The following TATDN1 variants were observed in gnomAD, a reference collection of about 807,000 sequenced individuals.
The protein encoded by TATDN1 is deoxyribonuclease TATDN1.
In TATDN1, 40 loss-of-function variants were observed where a neutral mutation model predicts 46.4. The observed-to-expected ratio is 0.86, with a 90% CI of 0.67 to 1.12. The LOEUF is 1.12. Ranked by LOEUF, TATDN1 falls within the 50% of genes most tolerant of loss-of-function variation. The pLI, the probability that TATDN1 is intolerant of heterozygous loss-of-function variation, is 0.00. For missense variants in TATDN1, 326 were observed against 348.4 expected, an observed-to-expected ratio of 0.94 and a Z score of 0.51; for synonymous variants, 95 against 105.6, an observed-to-expected ratio of 0.90 and a Z score of 0.62.
chr8:124,515,717 T>C (rs1246592138), intron 6 of TATDN1, 29 bp downstream of exon 6: 1 of 1,598,196 alleles, frequency 6.3e-7, no homozygotes, highest in South Asian at 1.1e-5. Context: ...GATTTTACAA[T>C]AATTTGTAAA....
chr8:124,515,876 C>G lies in TATDN1; in HGVS notation c.346+11G>C. 6.2e-7 allele frequency: 1 copy of G among 1,614,042 alleles called. No individual in the cohort carries two copies. Among genetic ancestry groups the G allele is most frequent in the Non-Finnish European group, 8.5e-7 (1 of 1,179,970 alleles). The stretch of plus-strand genomic sequence containing the variant: ...AACAATGTCACTCTAAGAGGCGAGG[C>G]TGGCACTCACCAAGTCCGCATTCTC... On this transcript the variant is annotated intron_variant, in intron 5 of 11. Coordinates refer to ENST00000276692, the MANE Select transcript of TATDN1 (RefSeq NM_032026.4).
Position 124,488,660 on chromosome 8 carries a change from C to G in TATDN1, c.828G>C (p.Glu276Asp). ...GTGTATTGGCTAATTCCAGTGGATC[C>G]TCATCTCTCACTGCTGACATTATCT... ...ILEIMSAVRD[E>D]DPLELANTLY... Residue 276 changes from glutamate (E) to aspartate (D), a missense_variant, in exon 12 of 12, where the codon GAG becomes GAC. By Grantham distance (45) the Glu-to-Asp change is conservative. Transcript: ENST00000276692. 1 of 1,606,896 alleles carries G rather than the reference C, an allele frequency of 6.2e-7. No individual in the cohort carries two copies. Among genetic ancestry groups the G allele is most frequent in the Non-Finnish European group, 8.5e-7 (1 of 1,174,406 alleles).
At chr8:124,501,237 C>T (rs184660544) in intron 9 of TATDN1, among the ~76,000 whole-genome samples, 3 of 152,182 alleles carry the variant, frequency 2.0e-5, no homozygotes, top group African/African-American at 7.2e-5. Flanking sequence ...CAAACCCCTT[C>T]CCTCCACTGT....
chr8:124,503,808 C>T (rs1168375081), intron 9 of TATDN1: 2 of 769,768 alleles, frequency 2.6e-6, no homozygotes, highest in Non-Finnish European at 3.9e-6. Context: ...AGCCAGAGGA[C>T]ATGGGTTCTC....
chr8:124,520,739 G>A (rs1173754086), intron 3 of TATDN1, among the ~76,000 whole-genome samples: 1 of 151,828 alleles, frequency 6.6e-6, no homozygotes, highest in Non-Finnish European at 1.5e-5. Context: ...TCAGGAGATC[G>A]AGACCATCCT....
chr8:124,537,557 T>C (rs1446749928), intron 1 of TATDN1, among the ~76,000 whole-genome samples: 1 of 152,200 alleles, frequency 6.6e-6, no homozygotes, highest in African/African-American at 2.4e-5. Flanking sequence ...TGATTTGATT[T>C]TTAGATACAC....
At chr8:124,525,333 G>T (rs1358407799) in intron 1 of TATDN1, among the ~76,000 whole-genome samples, 2 of 152,012 alleles carry the variant, frequency 1.3e-5, no homozygotes, top group Non-Finnish European at 2.9e-5. Flanking sequence ...TTTTAGTAGA[G>T]ACAGGGTTTT....
At chr8:124,493,988 G>A (rs1817244190) in intron 10 of TATDN1, 29 bp from the exon 11 acceptor site, 1 of 1,566,480 alleles carries the variant, frequency 6.4e-7, no homozygotes, top group South Asian at 1.2e-5. Context: ...TGTCTCGTAA[G>A]GGGTTTACAT....
intron 6 of TATDN1, among the ~76,000 whole-genome samples, chr8:124,514,567 T>A (rs1434864668): frequency 6.6e-6 from 1 of 152,230 alleles, no homozygotes; most frequent in East Asian, 1.9e-4. Flanking sequence ...TGGCACACAG[T>A]ACTCCATAAA....
At chr8:124,504,028 C>T (rs1283028686) in intron 9 of TATDN1, 8 of 1,042,600 alleles carry the variant, frequency 7.7e-6, no homozygotes, top group Non-Finnish European at 1.1e-5. Context: ...CTGCAGATCT[C>T]AACACAAAAT....
At chr8:124,520,942 C>CAAAAAAAA (rs1162309758) in intron 3 of TATDN1, among the ~76,000 whole-genome samples, 2 of 82,246 alleles carry the variant, frequency 2.4e-5, no homozygotes, top group Non-Finnish European at 2.5e-5. Flanking sequence ...GACTCCGTCT[C>CAAAAAAAA]AAAAAAAAAA....
intron 6 of TATDN1, among the ~76,000 whole-genome samples, chr8:124,509,499 G>A (rs1291868731): frequency 6.6e-6 from 1 of 152,158 alleles, no homozygotes; most frequent in East Asian, 1.9e-4. Context: ...TCAACACAGT[G>A]CTCCCCCTTG....
At chr8:124,518,908 C>G (rs1272804735) in intron 3 of TATDN1, 27 bp from the exon 4 acceptor site, 1 of 1,510,716 alleles carries the variant, frequency 6.6e-7, no homozygotes, top group Admixed American at 1.7e-5. Context: ...ATAAAATAAG[C>G]TGACTTTAAT....
At position 124,495,511 on chromosome 8, in the gene TATDN1, A is replaced by G. The variant is rs778198823; in HGVS notation, c.625T>C (p.Leu209=). 1.9e-6 allele frequency: 3 copies of G among 1,606,710 alleles called. No individual in the cohort carries two copies. Among genetic ancestry groups the G allele is most frequent in the Non-Finnish European group, 2.5e-6 (3 of 1,178,080 alleles). The change falls in exon 10 of 12, where the codon TTG becomes CTG. Residue 209 remains leucine, a synonymous_variant. Coordinates refer to ENST00000276692, the MANE Select transcript of TATDN1 (RefSeq NM_032026.4). ...AATTTTTCACTAGGAATTGACTTCA[A>G]AACTTCCAAATTAGCTTCAGTTTTC... ...SLKTEANLEV[L]KSIPSEKLMI...
chr8:124,502,265 C>T (rs886863929), intron 9 of TATDN1, among the ~76,000 whole-genome samples: 6 of 150,430 alleles, frequency 4.0e-5, no homozygotes, highest in Non-Finnish European at 8.9e-5. Context: ...GGCGTGAACC[C>T]GGGAGGCGGA....
chr8:124,503,809 A>G, intron 9 of TATDN1: 1 of 788,324 alleles, frequency 1.3e-6, no homozygotes, highest in Non-Finnish European at 1.9e-6. Flanking sequence ...GCCAGAGGAC[A>G]TGGGTTCTCA....
At chr8:124,515,606 G>T in intron 6 of TATDN1, 140 bp downstream of exon 6, 1 of 728,168 alleles carries the variant, frequency 1.4e-6, no homozygotes, top group Non-Finnish European at 2.3e-6. Context: ...CATGGAATTT[G>T]TTTCACTTAC....
intron 8 of TATDN1, among the ~76,000 whole-genome samples, chr8:124,506,334 C>CAAAAAAAAAAAAAAAAAAAAA (rs56023168): frequency 1.9e-4 from 10 of 52,512 alleles, no homozygotes; most frequent in Non-Finnish European, 3.7e-4. Context: ...GGCTCTGTCT[C>CAAAAAAAAAAAAAAAAAAAAA]AAAAAAAAAA....
chr8:124,497,572 C>A (rs1586568013), intron 9 of TATDN1, among the ~76,000 whole-genome samples: 1 of 152,304 alleles, frequency 6.6e-6, no homozygotes, highest in East Asian at 1.9e-4. Context: ...CAGGCACAAT[C>A]CACCGTGACC....
Sources: allele counts gnomAD v4.1 joint callset (sites outside exome capture counted in the v4.1 genomes callset), GRCh38; gene constraint gnomAD v4.1.1; transcripts MANE v1.5; gene names NCBI Gene and HGNC (gene_info 2026-07-23, HGNC 2026-07-21).